Variants in TTYH3 observed in about 807,000 individuals in gnomAD.
The protein encoded by TTYH3 is protein tweety homolog 3.
TTYH3 carries 23 observed loss-of-function variants against 68.2 expected under a neutral mutation model. The ratio of observed to expected loss-of-function variants is 0.34; its 90% CI spans 0.24 to 0.48. The LOEUF is 0.48. Ranked by LOEUF, TTYH3 falls within the 20% of genes least tolerant of loss-of-function variation. TTYH3 has a pLI of 0.99. For missense variants in TTYH3, 768 were observed against 727.7 expected (o/e 1.06, Z -0.64); for synonymous variants, 360 against 332.8 (o/e 1.08, Z -0.89).
intron 1 of TTYH3, among the ~76,000 whole-genome samples, chr7:2,635,866 T>C (rs1363427101): frequency 1.3e-5 from 2 of 152,134 alleles, no homozygotes; most frequent in East Asian, 3.9e-4. Context: ...ACAGAGACCT[T>C]GGGGAAGAGC....
At chr7:2,659,074 C>A in intron 13 of TTYH3, 59 bp downstream of exon 13, 1 of 1,530,096 alleles carries the variant, frequency 6.5e-7, no homozygotes, top group Non-Finnish European at 9.0e-7. Flanking sequence ...GTCCGCTGTT[C>A]CACTGCGTCG....
intron 5 of TTYH3, chr7:2,648,406 G>A (rs1583566560): frequency 4.2e-6 from 1 of 237,450 alleles, no homozygotes; most frequent in Non-Finnish European, 8.1e-6. Flanking sequence ...TCCATCCTTG[G>A]CCCTGGGGCA....
At chr7:2,638,206 G>C (rs937134579) in intron 1 of TTYH3, among the ~76,000 whole-genome samples, 5 of 152,164 alleles carry the variant, frequency 3.3e-5, no homozygotes, top group Middle Eastern at 3.2e-3. Flanking sequence ...GAGGCCTGGG[G>C]CCCGGTCCCC....
intron 1 of TTYH3, among the ~76,000 whole-genome samples, chr7:2,641,072 G>T (rs150484462): frequency 1.6e-3 from 239 of 152,262 alleles, no homozygotes; most frequent in African/African-American, 5.6e-3. Context: ...ATATGCCTGG[G>T]TGTAGAGGCC....
chr7:2,659,847 C>A, intron 13 of TTYH3: 1 of 1,245,034 alleles, frequency 8.0e-7, no homozygotes, highest in Admixed American at 2.5e-5. Flanking sequence ...CATCACACGG[C>A]CCACAGCCCA....
intron 1 of TTYH3, among the ~76,000 whole-genome samples, chr7:2,643,509 G>A (rs1334919615): frequency 3.3e-5 from 5 of 152,204 alleles, no homozygotes; most frequent in Admixed American, 6.5e-5. Context: ...TGCAGGCGGC[G>A]CCAAGGGCAA....
intron 12 of TTYH3, 68 bp from the exon 13 acceptor site, chr7:2,658,871 GC>G: frequency 6.0e-6 from 9 of 1,498,956 alleles, no homozygotes; most frequent in East Asian, 2.3e-5. Flanking sequence ...CTACCCATGG[GC>G]CCCCCGACCT....
chr7:2,633,922 C>T (rs1785590518), intron 1 of TTYH3, among the ~76,000 whole-genome samples: 1 of 152,202 alleles, frequency 6.6e-6, no homozygotes, highest in Non-Finnish European at 1.5e-5. Context: ...ATGATGTCTG[C>T]AGCCCACAAG....
At chr7:2,655,213 C>G (rs994880678) in intron 9 of TTYH3, among the ~76,000 whole-genome samples, 1 of 152,144 alleles carries the variant, frequency 6.6e-6, no homozygotes, top group Non-Finnish European at 1.5e-5. Flanking sequence ...GTGGTGTGAT[C>G]TCAACTCACG....
chr7:2,659,890 ACTCT>A (rs139527284), intron 13 of TTYH3: 4,229 of 1,090,588 alleles, frequency 3.9e-3, no homozygotes, highest in East Asian at 0.012. Flanking sequence ...TTGAGGCCAC[ACTCT>A]CTCTCTCTCT....
chr7:2,643,242 C>T (rs1785899069), intron 1 of TTYH3, among the ~76,000 whole-genome samples: 1 of 150,846 alleles, frequency 6.6e-6, no homozygotes. Context: ...GTAGTCCCAG[C>T]TACTTGGGAG....
intron 1 of TTYH3, among the ~76,000 whole-genome samples, chr7:2,643,047 C>T (rs1163537817): frequency 4.2e-5 from 6 of 142,178 alleles, no homozygotes; most frequent in African/African-American, 1.6e-4. Flanking sequence ...TGGGCATCAC[C>T]AGTGAAATTA....
At chr7:2,661,401 C>T (rs1421432827) in intron 13 of TTYH3, among the ~76,000 whole-genome samples, 2 of 146,294 alleles carry the variant, frequency 1.4e-5, no homozygotes, top group Non-Finnish European at 3.1e-5. Flanking sequence ...TGTGTACGCC[C>T]CTCCTCAGAG....
intron 1 of TTYH3, among the ~76,000 whole-genome samples, chr7:2,646,395 A>T (rs1026415186): frequency 8.5e-5 from 13 of 152,328 alleles, no homozygotes; most frequent in African/African-American, 3.1e-4. Flanking sequence ...GGCTGCAAAG[A>T]TGGTGGCTCA....
chr7:2,656,369 G>T, intron 10 of TTYH3, 29 bp from the exon 11 acceptor site: 1 of 1,598,002 alleles, frequency 6.3e-7, no homozygotes. Flanking sequence ...CCTGTCTCTG[G>T]ATCCTGCCAT....
rs1321249166 is a variant in TTYH3, at chr7:2,647,671, C to T, written c.626+33C>T. 3.3e-6 allele frequency: 5 copies of T among 1,532,766 alleles called. No individual in the cohort carries two copies. The African/African-American group carries it at 5.5e-5, about 17-fold the overall frequency. 94.9% of individuals were successfully genotyped at this position (1,532,766 alleles called of 1,614,324 possible). A position where few individuals can be genotyped will look rare whatever the true frequency, so the allele number is the denominator to read the frequency against. On this transcript the variant is annotated intron_variant, in intron 4 of 13. Coordinates refer to ENST00000258796, the MANE Select transcript of TTYH3 (RefSeq NM_025250.3). ...CAGGCCCTCTTCCCTGCCCGCCCCA[C>T]GTGGGAAAGCATCACCCTCCTTGGG...
At chr7:2,651,609 C>T (rs1407903277) in intron 7 of TTYH3, among the ~76,000 whole-genome samples, 2 of 152,250 alleles carry the variant, frequency 1.3e-5, no homozygotes, top group African/African-American at 4.8e-5. Flanking sequence ...TGAGCTCCAG[C>T]CTGCGGGCCA....
In TTYH3 at chr7:2,632,047, A is replaced by T. The variant is rs1785533458; in HGVS notation, c.-109A>T. The T allele has an allele frequency of 1.9e-6, 2 of 1,027,190 alleles. No individual in the cohort carries two copies. The highest frequency in any genetic ancestry group is 2.4e-6 in the Non-Finnish European group (2 of 820,040). 63.6% of individuals were successfully genotyped at this position (1,027,190 alleles called of 1,614,324 possible). A position where few individuals can be genotyped will look rare whatever the true frequency, so the allele number is the denominator to read the frequency against. On this transcript the variant is annotated 5_prime_UTR_variant, in exon 1 of 14. The change abolishes an upstream ATG in the 5' untranslated region. Transcript: ENST00000258796. ...CCGGGCCGGGCCCAGGAGCGCGCGG[A>T]TGATGCGGGCGGCCAGGCGGGGGTC...
chr7:2,647,261 GC>G lies in TTYH3; in HGVS notation c.405+10del. On this transcript the variant is annotated intron_variant, in intron 3 of 13. Transcript: ENST00000258796. ...GCCGGGGTCCAGGACCGCGTGAGTG[GC>G]CGCGGAGTTGGGGCCAGGAGCACTC... is the stretch of plus-strand genomic sequence containing the variant. 6.4e-7 allele frequency: 1 copy of G among 1,573,482 alleles called. No homozygotes were observed.
Sources: allele counts gnomAD v4.1 joint callset (sites outside exome capture counted in the v4.1 genomes callset), GRCh38; gene constraint gnomAD v4.1.1; transcripts MANE v1.5; gene names NCBI Gene and HGNC (gene_info 2026-07-23, HGNC 2026-07-21).